MARCHF9: variants seen among roughly 807,000 people sequenced by gnomAD.
The protein encoded by MARCHF9 is E3 ubiquitin-protein ligase MARCHF9.
MARCHF9 carries 17 observed loss-of-function variants against 35.2 expected under a neutral mutation model. The ratio of observed to expected loss-of-function variants is 0.48; its 90% CI spans 0.33 to 0.72. The LOEUF is 0.72. Among genes scored for constraint, MARCHF9 ranks in the 30% least tolerant of loss-of-function variants. MARCHF9 has a pLI of 0.02. For synonymous variants in MARCHF9, 183 were observed against 207.4 expected (o/e 0.88, Z 1.01); for missense variants, 386 against 478.2 (o/e 0.81, Z 1.80).
At chr12:57,756,799 C>T (rs781520715) in intron 1 of MARCHF9, 130 bp from the exon 2 acceptor site, 17 of 991,492 alleles carry the variant, frequency 1.7e-5, no homozygotes, top group Non-Finnish European at 2.2e-5. Flanking sequence ...CTTGCCCTGT[C>T]TTGGGTGAAA....
At position 57,758,006 on chromosome 12, in the gene MARCHF9, G is replaced by C. The variant is rs571245023; in HGVS notation, c.514-102G>C. 4 of 1,194,926 alleles carry C rather than the reference G, an allele frequency of 3.3e-6. No homozygotes were observed. Among genetic ancestry groups the C allele is most frequent in the Admixed American group, 1.7e-5 (1 of 58,710 alleles). 74.0% of individuals were successfully genotyped at this position (1,194,926 alleles called of 1,614,324 possible). A position where few individuals can be genotyped will look rare whatever the true frequency, so the allele number is the denominator to read the frequency against. On this transcript the variant is annotated intron_variant, in intron 2 of 3. Coordinates refer to ENST00000266643, the MANE Select transcript of MARCHF9 (RefSeq NM_138396.6). The surrounding 1 kb of genome is among the most constrained non-coding windows in gnomAD (Gnocchi z 5.4). The stretch of plus-strand genomic sequence containing the variant: ...AAGACAGATGTTGATCCTGCCTGAA[G>C]GTTTTAGGGAAGGTTCCTGGAGCAC...
intron 1 of MARCHF9, 97 bp downstream of exon 1, chr12:57,755,982 G>T: frequency 1.1e-6 from 1 of 885,914 alleles, no homozygotes; most frequent in Non-Finnish European, 1.5e-6. Flanking sequence ...AGGAGGCTGG[G>T]CGGGCCCCAG....
intron 1 of MARCHF9, 42 bp from the exon 2 acceptor site, chr12:57,756,887 G>A (rs1398788866): frequency 3.4e-6 from 5 of 1,450,180 alleles, no homozygotes; most frequent in African/African-American, 1.4e-5. Context: ...GTGGGGTCGG[G>A]GTGGTGATGG....
chr12:57,756,869 G>A, intron 1 of MARCHF9, 60 bp from the exon 2 acceptor site: 2 of 1,396,688 alleles, frequency 1.4e-6, no homozygotes, highest in South Asian at 1.6e-5. Context: ...GTCGGGGAGC[G>A]CGGCTGAGTG....
intron 2 of MARCHF9, chr12:57,757,300 T>G (rs921434669): frequency 5.0e-6 from 2 of 403,580 alleles, no homozygotes; most frequent in Non-Finnish European, 8.5e-6. Flanking sequence ...GGCACTGTTC[T>G]AGGCACTGGG....
At position 57,755,515 on chromosome 12, in the gene MARCHF9, C is replaced by T; in HGVS notation, c.-14C>T. ...CCCCCTTGCACGCTGCCCCCCGCCC[C>T]CGGTGTCCGGACGATGCTCAAGTCT... On this transcript the variant is annotated 5_prime_UTR_variant, in exon 1 of 4. Coordinates refer to ENST00000266643, the MANE Select transcript of MARCHF9 (RefSeq NM_138396.6). 1 of 1,315,750 alleles carries T rather than the reference C, an allele frequency of 7.6e-7. No homozygotes were observed. The highest frequency in any genetic ancestry group is 1.8e-5 in the South Asian group (1 of 54,778). The allele number at this position is 1,315,750 out of a possible 1,614,324, so 81.5% of individuals were successfully genotyped here.
intron 2 of MARCHF9, chr12:57,757,900 A>C: frequency 1.5e-6 from 1 of 660,362 alleles, no homozygotes. Context: ...GTTTCAGAGC[A>C]CTTGCCCAAT....
Position 57,758,361 on chromosome 12 carries a change from C to G in MARCHF9, c.706+61C>G. ...TCTTCCTCTTACACACCTAACTCCC[C>G]TGCCCATCCCCTCAGTTTCCTGGCT... On this transcript the variant is annotated intron_variant, in intron 3 of 3. Coordinates refer to ENST00000266643, the MANE Select transcript of MARCHF9 (RefSeq NM_138396.6). The surrounding 1 kb of genome is among the most constrained non-coding windows in gnomAD (Gnocchi z 5.4). 6.6e-7 allele frequency: 1 copy of G among 1,524,778 alleles called. No homozygotes were observed. Among genetic ancestry groups the G allele is most frequent in the Non-Finnish European group, 8.9e-7 (1 of 1,126,108 alleles). The allele number at this position is 1,524,778 out of a possible 1,614,324, so 94.5% of individuals were successfully genotyped here. A position where few individuals can be genotyped will look rare whatever the true frequency, so the allele number is the denominator to read the frequency against.
Position 57,758,460 on chromosome 12 carries a change from C to T in MARCHF9, c.707-103C>T. 1.5e-6 allele frequency: 2 copies of T among 1,373,668 alleles called. No individual in the cohort carries two copies. Among genetic ancestry groups the T allele is most frequent in the Non-Finnish European group, 2.0e-6 (2 of 1,019,136 alleles). 85.1% of individuals were successfully genotyped at this position (1,373,668 alleles called of 1,614,324 possible). A position where few individuals can be genotyped will look rare whatever the true frequency, so the allele number is the denominator to read the frequency against. On this transcript the variant is annotated intron_variant, in intron 3 of 3. Transcript: ENST00000266643. The surrounding 1 kb of genome is among the most constrained non-coding windows in gnomAD (Gnocchi z 5.4). ...CCCACTTCCCTGCTTCTCCAGGGCCCTTTGCAACTGTATCTTCTCACTCTG... is the reference window on the plus strand; with the variant it reads ...CCCACTTCCCTGCTTCTCCAGGGCCTTTTGCAACTGTATCTTCTCACTCTG...
chr12:57,757,429 G>T, intron 2 of MARCHF9: 1 of 179,608 alleles, frequency 5.6e-6, no homozygotes, highest in Non-Finnish European at 1.2e-5. Flanking sequence ...CGAGGCGGGC[G>T]GATCACGAGG....
intron 2 of MARCHF9, chr12:57,757,681 T>C (rs1028606887): frequency 3.1e-5 from 13 of 419,540 alleles, no homozygotes; most frequent in South Asian, 9.0e-5. Flanking sequence ...GAAAAAATGA[T>C]GTTGATGATG....
rs1208538040 is a variant in MARCHF9 at position 57,758,837 on chromosome 12, A to G, written c.981A>G (p.Pro327=). The G allele has an allele frequency of 6.2e-7, 1 of 1,610,378 alleles. No individual in the cohort carries two copies. ...ACCTCCTTGGGCAGCTGCGGCCACC[A>G]GATGCCCGTTCCAGCTCCCATTCTG... ...ILHLLGQLRP[P]DARSSSHSGR... is the part of the protein sequence containing the mutation. Residue 327 remains proline (P), a synonymous_variant, in exon 4 of 4, where the codon CCA becomes CCG. Coordinates refer to ENST00000266643, the MANE Select transcript of MARCHF9 (RefSeq NM_138396.6). This position sits in a 1 kb window ranked among gnomAD's most constrained non-coding sequence, Gnocchi z 5.4.
rs773857053 is a variant in MARCHF9 at position 57,756,042 on chromosome 12, G to A, written c.357+157G>A. The A allele has an allele frequency of 1.9e-4, 85 of 458,136 alleles. 1 individual carries two copies. In the East Asian group the frequency reaches 2.8e-3, roughly 15 times the overall value. 28.4% of individuals were successfully genotyped at this position (458,136 alleles called of 1,614,324 possible). On this transcript the variant is annotated intron_variant, in intron 1 of 3. Transcript: ENST00000266643. Reference sequence around the variant, plus strand: ...GCCGAGGGGCTGGCAGGGGACTCCTGGAGCGCTTGTTTGTGTCGGAGGGTC... The same window carrying A: ...GCCGAGGGGCTGGCAGGGGACTCCTAGAGCGCTTGTTTGTGTCGGAGGGTC...
rs767882270 is a variant in MARCHF9 at position 57,755,535 on chromosome 12, A to C, written c.7A>C (p.Lys3Gln). Residue 3 changes from lysine to glutamine, a missense_variant, in exon 1 of 4, where the codon AAG becomes CAG. By Grantham distance (53) the Lys-to-Gln change is moderately conservative (BLOSUM62 1). Transcript: ENST00000266643. The part of the protein sequence containing the change: ML[K>Q]SRLRMFLNEL... ...CGCCCCCGGTGTCCGGACGATGCTCAAGTCTCGGCTCCGCATGTTTCTGAA... is the reference window on the plus strand; with the variant it reads ...CGCCCCCGGTGTCCGGACGATGCTCCAGTCTCGGCTCCGCATGTTTCTGAA... 8.7e-7 allele frequency: 1 copy of C among 1,150,916 alleles called. No individual in the cohort carries two copies. The highest frequency in any genetic ancestry group is 1.7e-5 in the South Asian group (1 of 57,966). The allele number at this position is 1,150,916 out of a possible 1,614,324, so 71.3% of individuals were successfully genotyped here.
At position 57,758,480 on chromosome 12, in the gene MARCHF9, A is replaced by T; in HGVS notation, c.707-83A>T. ...GGGCCCTTTGCAACTGTATCTTCTC[A>T]CTCTGAAGAAATGCTTGCTTAAGTA... is the stretch of plus-strand genomic sequence containing the variant. On this transcript the variant is annotated intron_variant, in intron 3 of 3. Coordinates refer to ENST00000266643, the MANE Select transcript of MARCHF9 (RefSeq NM_138396.6). This position sits in a 1 kb window ranked among gnomAD's most constrained non-coding sequence, Gnocchi z 5.4. The T allele has an allele frequency of 7.0e-7, 1 of 1,433,060 alleles. No individual in the cohort carries two copies. Among genetic ancestry groups the T allele is most frequent in the Middle Eastern group, 1.9e-4 (1 of 5,160 alleles). The allele number at this position is 1,433,060 out of a possible 1,614,324, so 88.8% of individuals were successfully genotyped here. A position where few individuals can be genotyped will look rare whatever the true frequency, so the allele number is the denominator to read the frequency against.
In MARCHF9 at chr12:57,758,469, T is replaced by A; in HGVS notation, c.707-94T>A. Reference sequence around the variant, plus strand: ...CTGCTTCTCCAGGGCCCTTTGCAACTGTATCTTCTCACTCTGAAGAAATGC... The same window carrying A: ...CTGCTTCTCCAGGGCCCTTTGCAACAGTATCTTCTCACTCTGAAGAAATGC... On this transcript the variant is annotated intron_variant, in intron 3 of 3. Coordinates refer to ENST00000266643, the MANE Select transcript of MARCHF9 (RefSeq NM_138396.6). The surrounding 1 kb of genome is among the most constrained non-coding windows in gnomAD (Gnocchi z 5.4). The A allele has an allele frequency of 7.1e-7, 1 of 1,402,068 alleles. No individual in the cohort carries two copies. The highest frequency in any genetic ancestry group is 2.0e-4 in the Middle Eastern group (1 of 4,990). The allele number at this position is 1,402,068 out of a possible 1,614,324, so 86.9% of individuals were successfully genotyped here.
chr12:57,759,012 A>G lies in MARCHF9; in HGVS notation c.*115A>G. 9.4e-7 allele frequency: 1 copy of G among 1,069,148 alleles called. No individual in the cohort carries two copies. Among genetic ancestry groups the G allele is most frequent in the Non-Finnish European group, 1.3e-6 (1 of 765,166 alleles). The allele number at this position is 1,069,148 out of a possible 1,614,324, so 66.2% of individuals were successfully genotyped here. A position where few individuals can be genotyped will look rare whatever the true frequency, so the allele number is the denominator to read the frequency against. On this transcript the variant is annotated 3_prime_UTR_variant, in exon 4 of 4. Transcript: ENST00000266643. ...TTGGGGCATGCTGCCCCCGTCACCG[A>G]GGATCTGTGTGGGTAGCCTCAAGCT...
rs1202340944 is a variant in MARCHF9 at position 57,760,333 on chromosome 12, T to G, written c.*1436T>G. On this transcript the variant is annotated 3_prime_UTR_variant, in exon 4 of 4. Coordinates refer to ENST00000266643, the MANE Select transcript of MARCHF9 (RefSeq NM_138396.6). ...ACTTTCTTCTGTGACCTTGGGGTTG[T>G]GTATTATATGAATGATGCTGTTTTT... The G allele has an allele frequency of 2.0e-5, 3 of 152,258 alleles. No homozygotes were observed. Among genetic ancestry groups the G allele is most frequent in the Non-Finnish European group, 4.4e-5 (3 of 68,048 alleles). The allele number at this position is 152,258 out of a possible 1,614,324, so 9.4% of individuals were successfully genotyped here. A position where few individuals can be genotyped will look rare whatever the true frequency, so the allele number is the denominator to read the frequency against.
At position 57,759,409 on chromosome 12, in the gene MARCHF9, T is replaced by A. The variant is rs1955307063; in HGVS notation, c.*512T>A. 1 of 153,130 alleles carries A rather than the reference T, an allele frequency of 6.5e-6. No individual in the cohort carries two copies. Among genetic ancestry groups the A allele is most frequent in the Admixed American group, 6.5e-5 (1 of 15,370 alleles). 9.5% of individuals were successfully genotyped at this position (153,130 alleles called of 1,614,324 possible). On this transcript the variant is annotated 3_prime_UTR_variant, in exon 4 of 4. Transcript: ENST00000266643. The stretch of plus-strand genomic sequence containing the variant: ...TGGGGGAAGGGCATAAAGAATCATT[T>A]ATATGCACGTGGAGACTCCTTTCTC...
Sources: gnomAD v4.1 joint callset for allele counts on GRCh38, gnomAD v4.1.1 for gene constraint, Gnocchi (gnomAD v3.1) non-coding constraint, MANE v1.5 for transcripts, NCBI Gene and HGNC (gene_info 2026-07-23, HGNC 2026-07-21) for gene names.